The following LINGO2 variants were observed in gnomAD, a reference collection of about 807,000 sequenced individuals.
LINGO2 encodes the protein leucine-rich repeat and immunoglobulin-like domain-containing nogo receptor-interacting protein 2.
A neutral mutation model predicts 30.6 loss-of-function variants in LINGO2; 14 were observed. That is an observed-to-expected ratio of 0.46 (90% CI 0.30 to 0.72). The LOEUF is 0.72. Among genes scored for constraint, LINGO2 ranks in the 30% least tolerant of loss-of-function variants. The pLI, the probability that LINGO2 is intolerant of heterozygous loss-of-function variation, is 0.07. For synonymous variants in LINGO2, 317 were observed against 288.5 expected, an observed-to-expected ratio of 1.10 and a Z score of -1.00; for missense variants, 729 against 751.7, an observed-to-expected ratio of 0.97 and a Z score of 0.35.
At chr9:28,020,152 T>C (rs1204730433) in intron 4 of LINGO2, among the ~76,000 whole-genome samples, 1 of 152,170 alleles carries the variant, frequency 6.6e-6, no homozygotes, top group Non-Finnish European at 1.5e-5. Flanking sequence ...GCACACAGCA[T>C]GCAATCCCTC....
chr9:28,769,742 G>C, the LINGO2 span, among the ~76,000 whole-genome samples: 1 of 148,874 alleles, frequency 6.7e-6, no homozygotes, highest in Non-Finnish European at 1.5e-5. Context: ...TACTTACTCA[G>C]ACATTCCTAT....
chr9:28,636,827 T>G (rs1827301562), intron 1 of LINGO2, among the ~76,000 whole-genome samples: 1 of 152,198 alleles, frequency 6.6e-6, no homozygotes, highest in Non-Finnish European at 1.5e-5. Flanking sequence ...GTAGTTTAAT[T>G]AGATCCCATT....
At chr9:29,039,551 T>C in the LINGO2 span, among the ~76,000 whole-genome samples, 271 of 152,286 alleles carry the variant, frequency 1.8e-3, 1 homozygote, top group African/African-American at 6.2e-3. Context: ...TCTCGCCTAG[T>C]TGGATCACAA....
At chr9:28,574,666 T>C (rs1305626526) in intron 1 of LINGO2, among the ~76,000 whole-genome samples, 1 of 152,190 alleles carries the variant, frequency 6.6e-6, no homozygotes, top group Admixed American at 6.5e-5. Context: ...AGCTATTCAC[T>C]GTAACCCCGC....
intron 1 of LINGO2, among the ~76,000 whole-genome samples, chr9:28,568,623 C>T (rs1387043719): frequency 1.3e-5 from 2 of 151,834 alleles, no homozygotes; most frequent in Non-Finnish European, 2.9e-5. Context: ...ATATAAGAAA[C>T]ATGCCATAAA....
intron 3 of LINGO2, among the ~76,000 whole-genome samples, chr9:28,332,466 T>C (rs1825455805): frequency 6.6e-6 from 1 of 152,130 alleles, no homozygotes; most frequent in African/African-American, 2.4e-5. Context: ...ATGGTCTTAA[T>C]AGAGGCACAC....
intron 3 of LINGO2, among the ~76,000 whole-genome samples, chr9:28,348,570 G>C (rs1261471690): frequency 6.6e-6 from 1 of 152,208 alleles, no homozygotes; most frequent in African/African-American, 2.4e-5. Context: ...CGAGGCTGGG[G>C]GAGGGGCGCC....
the LINGO2 span, among the ~76,000 whole-genome samples, chr9:29,061,325 GA>G: frequency 6.6e-6 from 1 of 151,880 alleles, no homozygotes; most frequent in African/African-American, 2.4e-5. Context: ...GTTTTCTGCA[GA>G]AAAAAATTAT....
intron 4 of LINGO2, among the ~76,000 whole-genome samples, chr9:28,290,564 G>T (rs1210887499): frequency 1.3e-5 from 2 of 152,078 alleles, no homozygotes; most frequent in Non-Finnish European, 2.9e-5. Context: ...CAGCTGAGGA[G>T]ATGGGAACTC....
chr9:28,045,322 A>G (rs1824370814), intron 4 of LINGO2, among the ~76,000 whole-genome samples: 1 of 152,170 alleles, frequency 6.6e-6, no homozygotes, highest in Non-Finnish European at 1.5e-5. Flanking sequence ...AACTTTGAGT[A>G]TTTTATAGAC....
the LINGO2 span, among the ~76,000 whole-genome samples, chr9:29,048,809 T>C: frequency 6.6e-6 from 1 of 152,164 alleles, no homozygotes; most frequent in Non-Finnish European, 1.5e-5. Flanking sequence ...TATACAAAAA[T>C]CAAATCAAAA....
At chr9:29,011,838 G>C in the LINGO2 span, among the ~76,000 whole-genome samples, 6 of 152,186 alleles carry the variant, frequency 3.9e-5, no homozygotes, top group South Asian at 1.0e-3. Flanking sequence ...AAAAACATTA[G>C]TCATCATCTA....
At chr9:28,090,298 G>A (rs1299430138) in intron 4 of LINGO2, among the ~76,000 whole-genome samples, 3 of 151,992 alleles carry the variant, frequency 2.0e-5, no homozygotes, top group Non-Finnish European at 2.9e-5. Context: ...GATGAACATC[G>A]ATGCAAAAAT....
At chr9:28,590,069 TAATA>T (rs1232498903) in intron 1 of LINGO2, among the ~76,000 whole-genome samples, 1 of 152,108 alleles carries the variant, frequency 6.6e-6, no homozygotes, top group Non-Finnish European at 1.5e-5. Flanking sequence ...AATCCCTATT[TAATA>T]AATGGTGCTG....
At chr9:28,664,848 C>T (rs1311220106) in intron 1 of LINGO2, among the ~76,000 whole-genome samples, 2 of 151,680 alleles carry the variant, frequency 1.3e-5, no homozygotes, top group African/African-American at 4.8e-5. Flanking sequence ...AAGCTCTCAC[C>T]TTGCTTTACT....
At chr9:28,047,105 T>C (rs566157638) in intron 4 of LINGO2, among the ~76,000 whole-genome samples, 1 of 152,186 alleles carries the variant, frequency 6.6e-6, no homozygotes, top group Admixed American at 6.5e-5. Flanking sequence ...AAGAGAGCAA[T>C]CAGTGGCTTA....
chr9:28,017,615 C>A (rs1822904085), intron 4 of LINGO2, among the ~76,000 whole-genome samples: 1 of 152,028 alleles, frequency 6.6e-6, no homozygotes, highest in South Asian at 2.1e-4. Flanking sequence ...TCCCTTAAGC[C>A]ACAAACAGAG....
chr9:28,735,735 G>T, the LINGO2 span, among the ~76,000 whole-genome samples: 1 of 151,768 alleles, frequency 6.6e-6, no homozygotes, highest in Middle Eastern at 3.4e-3. Flanking sequence ...TATAACATCT[G>T]CTTTCTCAAA....
chr9:28,881,364 T>C, the LINGO2 span, among the ~76,000 whole-genome samples: 1 of 152,052 alleles, frequency 6.6e-6, no homozygotes, highest in African/African-American at 2.4e-5. Context: ...CCTCAAGTGA[T>C]CCACCCGCCT....
Sources: allele counts gnomAD v4.1 joint callset (sites outside exome capture counted in the v4.1 genomes callset), GRCh38; gene constraint gnomAD v4.1.1; transcripts MANE v1.5; gene names NCBI Gene and HGNC (gene_info 2026-07-23, HGNC 2026-07-21).